RPS6KC1: variants seen among roughly 807,000 people sequenced by gnomAD.
RPS6KC1 encodes ribosomal protein S6 kinase C1, also known as inactive ribosomal protein S6 kinase delta-1.
A neutral mutation model predicts 103.8 loss-of-function variants in RPS6KC1; 54 were observed. That is an observed-to-expected ratio of 0.52 (90% CI 0.42 to 0.65). The LOEUF is 0.65. Ranked by LOEUF, RPS6KC1 falls within the 30% of genes least tolerant of loss-of-function variation. The probability of loss-of-function intolerance (pLI) is 0.00; values close to 1 mark genes in which losing one functional copy is unlikely to be tolerated. For missense variants in RPS6KC1, 1,151 were observed against 1,253.8 expected (o/e 0.92, Z 1.24); for synonymous variants, 439 against 438.7 (o/e 1.00, Z -0.01).
chr1:213,217,530 G>T (rs1377076668), intron 8 of RPS6KC1, among the ~76,000 whole-genome samples: 1 of 152,172 alleles, frequency 6.6e-6, no homozygotes, highest in Non-Finnish European at 1.5e-5. Flanking sequence ...TATGAGGCCA[G>T]CGTCATCCTG....
chr1:213,099,603 A>G lies in RPS6KC1; in HGVS notation c.263-4851A>G, dbSNP rs1191890687. Among the ~76,000 whole-genome samples, 4 of 152,196 alleles carry G rather than the reference A, an allele frequency of 2.6e-5. No individual in the cohort carries two copies. The South Asian group carries it at 8.3e-4, about 32-fold the overall frequency. ...ATATACCTGTATAACCCAAACCCCT[A>G]TCAAGATATAGGGCATTACCAACAC... On this transcript the variant is annotated intron_variant, in intron 3 of 14. Coordinates refer to ENST00000366960, the MANE Select transcript of RPS6KC1 (RefSeq NM_012424.6).
At chr1:213,137,696 C>T (rs1348732884) in intron 6 of RPS6KC1, among the ~76,000 whole-genome samples, 1 of 140,436 alleles carries the variant, frequency 7.1e-6, no homozygotes, top group Non-Finnish European at 1.5e-5. Context: ...CTTCCTTTTT[C>T]TGTTTTGTTT....
At chr1:213,783,254 A>G in the RPS6KC1 span, among the ~76,000 whole-genome samples, 1 of 152,190 alleles carries the variant, frequency 6.6e-6, no homozygotes, top group African/African-American at 2.4e-5. Context: ...AGCTGGCTCT[A>G]TCTTTGTATA....
chr1:213,495,497 T>A, the RPS6KC1 span, among the ~76,000 whole-genome samples: 3 of 152,164 alleles, frequency 2.0e-5, no homozygotes, highest in Non-Finnish European at 2.9e-5. Context: ...AATTTTTGTA[T>A]TTTTAGTAGA....
the RPS6KC1 span, among the ~76,000 whole-genome samples, chr1:213,650,147 C>A: frequency 6.6e-6 from 1 of 152,160 alleles, no homozygotes; most frequent in Non-Finnish European, 1.5e-5. Context: ...TGTTGCCCAA[C>A]CAGAGGGTGC....
the RPS6KC1 span, among the ~76,000 whole-genome samples, chr1:213,668,399 C>T: frequency 7.1e-4 from 76 of 106,580 alleles, no homozygotes; most frequent in South Asian, 2.6e-3. Flanking sequence ...TTCCCCCCGC[C>T]GCACCACCCC....
chr1:213,373,406 T>C, the RPS6KC1 span, among the ~76,000 whole-genome samples: 25 of 152,388 alleles, frequency 1.6e-4, no homozygotes, highest in South Asian at 4.1e-4. Context: ...TTTAATGATG[T>C]TCTTATTTCA....
chr1:213,726,077 T>G, the RPS6KC1 span, among the ~76,000 whole-genome samples: 526 of 152,304 alleles, frequency 3.5e-3, 3 homozygotes, highest in African/African-American at 0.011. Flanking sequence ...TCTCCATAAT[T>G]GTTCTTTCTT....
chr1:213,211,349 AAC>A (rs1178068007), intron 8 of RPS6KC1, among the ~76,000 whole-genome samples: 2 of 152,230 alleles, frequency 1.3e-5, no homozygotes, highest in African/African-American at 4.8e-5. Context: ...TCTTCACAAA[AAC>A]AGAAAACAGA....
At chr1:213,593,817 G>A in the RPS6KC1 span, among the ~76,000 whole-genome samples, 2 of 152,050 alleles carry the variant, frequency 1.3e-5, no homozygotes, top group Non-Finnish European at 2.9e-5. Flanking sequence ...TGGGCTATTG[G>A]GCACTCAGTC....
the RPS6KC1 span, among the ~76,000 whole-genome samples, chr1:213,434,972 C>A: frequency 3.8e-4 from 58 of 152,150 alleles, no homozygotes; most frequent in African/African-American, 1.3e-3. Flanking sequence ...AGTAATTTTT[C>A]TCTTTCTGCC....
chr1:213,195,078 G>A (rs974391117), intron 8 of RPS6KC1, among the ~76,000 whole-genome samples: 3 of 152,136 alleles, frequency 2.0e-5, no homozygotes, highest in Non-Finnish European at 4.4e-5. Context: ...GAGGTTTGTG[G>A]TGATGCAACA....
chr1:213,232,182 G>A lies in RPS6KC1; in HGVS notation c.1152G>A (p.Val384=), dbSNP rs1391558251. 1 of 1,614,056 alleles carries A rather than the reference G, an allele frequency of 6.2e-7. No individual in the cohort carries two copies. Among genetic ancestry groups the A allele is most frequent in the Non-Finnish European group, 8.5e-7 (1 of 1,179,914 alleles). ...RNRKTIIPRC[V]PNMVCLHKYI... ...GAAAGACCATCATCCCCCGCTGTGTGCCCAACATGGTGTGTCTGCATAAGT... is the reference window on the plus strand; with the variant it reads ...GAAAGACCATCATCCCCCGCTGTGTACCCAACATGGTGTGTCTGCATAAGT... The change falls in exon 10 of 15, where the codon GTG becomes GTA. Residue 384 remains valine, a synonymous_variant. Coordinates refer to ENST00000366960, the MANE Select transcript of RPS6KC1 (RefSeq NM_012424.6).
At chr1:213,589,059 G>T in the RPS6KC1 span, among the ~76,000 whole-genome samples, 3 of 152,118 alleles carry the variant, frequency 2.0e-5, no homozygotes, top group African/African-American at 7.2e-5. Flanking sequence ...GCCTAAGCAG[G>T]GGCTTAGTGC....
chr1:213,639,582 G>T, the RPS6KC1 span, among the ~76,000 whole-genome samples: 1 of 151,978 alleles, frequency 6.6e-6, no homozygotes, highest in Non-Finnish European at 1.5e-5. Flanking sequence ...CCCTTCTCTT[G>T]TTACTTTACT....
chr1:213,132,342 T>C (rs1329961883), intron 6 of RPS6KC1, among the ~76,000 whole-genome samples: 1 of 152,262 alleles, frequency 6.6e-6, no homozygotes, highest in African/African-American at 2.4e-5. Flanking sequence ...TTTTATTGTT[T>C]ATTCATAATG....
chr1:213,596,912 C>T, the RPS6KC1 span, among the ~76,000 whole-genome samples: 1 of 152,200 alleles, frequency 6.6e-6, no homozygotes, highest in East Asian at 1.9e-4. Flanking sequence ...TTGTACCCTA[C>T]CTCTGTGAGC....
the RPS6KC1 span, among the ~76,000 whole-genome samples, chr1:213,627,151 A>C: frequency 6.6e-6 from 1 of 152,072 alleles, no homozygotes; most frequent in Non-Finnish European, 1.5e-5. Flanking sequence ...CGTCCCTTGT[A>C]AGTTGGATTC....
intron 6 of RPS6KC1, among the ~76,000 whole-genome samples, chr1:213,151,998 G>T (rs1401930612): frequency 7.7e-6 from 1 of 129,148 alleles, no homozygotes; most frequent in Admixed American, 7.2e-5. Flanking sequence ...CCCAGTAGGG[G>T]TGGCCGGGCA....
Sources: allele counts gnomAD v4.1 joint callset (sites outside exome capture counted in the v4.1 genomes callset), GRCh38; gene constraint gnomAD v4.1.1; transcripts MANE v1.5; gene names NCBI Gene and HGNC (gene_info 2026-07-23, HGNC 2026-07-21).